The following HCN1 variants were observed in gnomAD, a reference collection of about 807,000 sequenced individuals.
The protein encoded by HCN1 is hyperpolarization activated cyclic nucleotide gated potassium channel 1, also known as potassium/sodium hyperpolarization-activated cyclic nucleotide-gated channel 1.
A neutral mutation model predicts 78.9 loss-of-function variants in HCN1; 13 were observed. That is an observed-to-expected ratio of 0.16 (90% CI 0.11 to 0.26). HCN1 has a LOEUF of 0.26. Ranked by LOEUF, HCN1 falls within the 10% of genes least tolerant of loss-of-function variation. The pLI is 1.00. For missense variants in HCN1, 810 were observed against 1,154.3 expected, an observed-to-expected ratio of 0.70 and a Z score of 4.32; for synonymous variants, 552 against 455.5, an observed-to-expected ratio of 1.21 and a Z score of -2.70.
chr5:45,670,923 C>T (rs936684623), intron 1 of HCN1, among the ~76,000 whole-genome samples: 2 of 151,508 alleles, frequency 1.3e-5, no homozygotes, highest in Non-Finnish European at 3.0e-5. Context: ...TCATAAATCT[C>T]GGTTACTTTA....
intron 4 of HCN1, among the ~76,000 whole-genome samples, chr5:45,371,389 TAATA>T (rs1405229112): frequency 1.3e-5 from 2 of 151,710 alleles, no homozygotes; most frequent in African/African-American, 4.8e-5. Context: ...CCAGCTAGAC[TAATA>T]AAGAAATAAA....
At chr5:45,530,427 T>TATAC (rs979262149) in intron 2 of HCN1, among the ~76,000 whole-genome samples, 2 of 150,034 alleles carry the variant, frequency 1.3e-5, no homozygotes, top group African/African-American at 4.9e-5. Flanking sequence ...TATATATATA[T>TATAC]ACATATATAG....
intron 2 of HCN1, among the ~76,000 whole-genome samples, chr5:45,537,542 T>C: frequency 8.0e-6 from 1 of 125,202 alleles, no homozygotes; most frequent in African/African-American, 3.0e-5. Context: ...TTTTTTTTTT[T>C]TTTTTTTTTT....
At chr5:45,507,406 C>T (rs1742328701) in intron 2 of HCN1, among the ~76,000 whole-genome samples, 2 of 152,166 alleles carry the variant, frequency 1.3e-5, no homozygotes, top group South Asian at 4.1e-4. Context: ...TCCTCTACAA[C>T]TGTTGCCAGT....
At chr5:45,263,901 C>T (rs1744800509) in intron 7 of HCN1, among the ~76,000 whole-genome samples, 1 of 152,174 alleles carries the variant, frequency 6.6e-6, no homozygotes, top group African/African-American at 2.4e-5. Flanking sequence ...TCATGCCATT[C>T]TCCTGCCTTA....
intron 1 of HCN1, among the ~76,000 whole-genome samples, chr5:45,659,973 G>A (rs1312168595): frequency 8.9e-5 from 13 of 146,520 alleles, no homozygotes; most frequent in African/African-American, 1.6e-4. Context: ...GATACTCCTC[G>A]GGAAGAGAAA....
chr5:45,371,768 T>G (rs183645841), intron 4 of HCN1, among the ~76,000 whole-genome samples: 1 of 140,336 alleles, frequency 7.1e-6, no homozygotes, highest in African/African-American at 2.6e-5. Flanking sequence ...AAAAAAAAAA[T>G]ATATATATAT....
chr5:45,584,797 T>G (rs975017012), intron 2 of HCN1, among the ~76,000 whole-genome samples: 12 of 152,222 alleles, frequency 7.9e-5, no homozygotes, highest in African/African-American at 2.7e-4. Flanking sequence ...GAAGCTTAGT[T>G]TGGCTGGATA....
chr5:45,545,273 G>T (rs1328895611), intron 2 of HCN1, among the ~76,000 whole-genome samples: 1 of 152,124 alleles, frequency 6.6e-6, no homozygotes, highest in African/African-American at 2.4e-5. Context: ...CATATCCTTT[G>T]CCCACTTTTT....
At chr5:45,425,752 T>C (rs1006352493) in intron 3 of HCN1, among the ~76,000 whole-genome samples, 2 of 152,200 alleles carry the variant, frequency 1.3e-5, no homozygotes, top group Non-Finnish European at 2.9e-5. Context: ...TAGAAATGTA[T>C]TGTGATTTTA....
At chr5:45,644,845 T>C (rs1033048782) in intron 2 of HCN1, 3 of 303,754 alleles carry the variant, frequency 9.9e-6, no homozygotes, top group Admixed American at 4.7e-5. Flanking sequence ...TTTATCAAAA[T>C]AATGGTACTT....
intron 3 of HCN1, among the ~76,000 whole-genome samples, chr5:45,424,785 T>TAAACAA (rs1740312756): frequency 6.6e-6 from 1 of 152,168 alleles, no homozygotes; most frequent in Admixed American, 6.5e-5. Flanking sequence ...TTAGATTAAA[T>TAAACAA]AAACAATGCG....
intron 1 of HCN1, among the ~76,000 whole-genome samples, chr5:45,655,686 C>G (rs2112047114): frequency 6.6e-6 from 1 of 152,214 alleles, no homozygotes; most frequent in Non-Finnish European, 1.5e-5. Context: ...ATAGAAGCCA[C>G]TGAGAGTTTG....
intron 4 of HCN1, among the ~76,000 whole-genome samples, chr5:45,372,097 ATTTT>A (rs1561127903): frequency 4.8e-4 from 27 of 56,794 alleles, no homozygotes; most frequent in South Asian, 9.8e-4. Context: ...TTATATATAT[ATTTT>A]ATATATAATA....
At chr5:45,611,269 C>CTTTTTTTT (rs1054830050) in intron 2 of HCN1, among the ~76,000 whole-genome samples, 52 of 113,722 alleles carry the variant, frequency 4.6e-4, no homozygotes, top group Non-Finnish European at 7.0e-4. Flanking sequence ...TTATCTTTTT[C>CTTTTTTTT]TTTTTTTTTT....
chr5:45,442,330 T>C (rs1040602056), intron 3 of HCN1, among the ~76,000 whole-genome samples: 1 of 152,004 alleles, frequency 6.6e-6, no homozygotes, highest in Non-Finnish European at 1.5e-5. Flanking sequence ...TACCAACATA[T>C]CTAGAGGCAA....
chr5:45,461,848 C>T lies in HCN1; in HGVS notation c.1009G>A (p.Val337Ile). The T allele has an allele frequency of 1.9e-6, 3 of 1,612,772 alleles. No individual in the cohort carries two copies. Among genetic ancestry groups the T allele is most frequent in the Non-Finnish European group, 2.5e-6 (3 of 1,179,070 alleles). ...PDCWVSLNEM[V>I]NDSWGKQYSY... Reference sequence around the variant, plus strand: ...GTAAAATAACAGAATTTACTTACAACCATTTCATTTAAAGACACCCAGCAA... The same window carrying T: ...GTAAAATAACAGAATTTACTTACAATCATTTCATTTAAAGACACCCAGCAA... Residue 337 changes from valine to isoleucine, a missense_variant and splice_region_variant, in exon 3 of 8, where the codon GTT becomes ATT. Val to Ile is a conservative substitution (Grantham distance 29, BLOSUM62 3). This residue lies in a region of HCN1 where 104 missense variants were observed against 402.8 expected (regional missense o/e 0.26). Coordinates refer to ENST00000303230, the MANE Select transcript of HCN1 (RefSeq NM_021072.4).
chr5:45,384,776 T>C (rs1408175757), intron 4 of HCN1, among the ~76,000 whole-genome samples: 3 of 152,186 alleles, frequency 2.0e-5, no homozygotes, highest in Admixed American at 1.3e-4. Context: ...CATTTATCTA[T>C]GGATTTCTCC....
At chr5:45,618,717 T>C (rs1745001207) in intron 2 of HCN1, among the ~76,000 whole-genome samples, 1 of 152,048 alleles carries the variant, frequency 6.6e-6, no homozygotes. Context: ...CCATATTATA[T>C]TTAGGAAGTA....
Sources: gnomAD v4.1 joint callset for allele counts (sites outside exome capture counted in the v4.1 genomes callset) on GRCh38, gnomAD v4.1.1 for gene constraint, gnomAD v4.1.1 regional missense constraint, MANE v1.5 for transcripts, NCBI Gene and HGNC (gene_info 2026-07-23, HGNC 2026-07-21) for gene names.